CELF2: variants seen among roughly 807,000 people sequenced by gnomAD.
CELF2 encodes the protein CUGBP Elav-like family member 2.
A neutral mutation model predicts 62.6 loss-of-function variants in CELF2; 8 were observed. That is an observed-to-expected ratio of 0.13 (90% CI 0.07 to 0.23). The LOEUF (loss-of-function observed/expected upper bound fraction) is 0.23, where lower values mean the gene tolerates loss of function less well. Among genes scored for constraint, CELF2 ranks in the 10% least tolerant of loss-of-function variants. The pLI, the probability that CELF2 is intolerant of heterozygous loss-of-function variation, is 1.00. For synonymous variants in CELF2, 258 were observed against 250.0 expected (o/e 1.03, Z -0.30); for missense variants, 333 against 671.0 (o/e 0.50, Z 5.56).
chr10:11,015,173 T>C (rs1396495729), upstream of CELF2, among the ~76,000 whole-genome samples: 1 of 152,134 alleles, frequency 6.6e-6, no homozygotes, highest in Non-Finnish European at 1.5e-5. The surrounding 1 kb of genome is among the most constrained non-coding windows in gnomAD (Gnocchi z 4.8). Flanking sequence ...TGCATGAAAA[T>C]TAAAAAAGGG....
chr10:10,856,264 A>G (rs1379123056), intron 1 of CELF2, among the ~76,000 whole-genome samples: 1 of 152,150 alleles, frequency 6.6e-6, no homozygotes. Flanking sequence ...TGTTTTCCTG[A>G]GTGGAAAACA....
chr10:10,858,758 TAA>T (rs879607922), intron 1 of CELF2, among the ~76,000 whole-genome samples: 1 of 144,668 alleles, frequency 6.9e-6, no homozygotes, highest in African/African-American at 2.5e-5. Context: ...ATGTATTTCC[TAA>T]AAAAAAAAAA....
chr10:11,242,417 C>G lies in CELF2; in HGVS notation c.355-6736C>G, dbSNP rs573167366. Among the ~76,000 whole-genome samples, 1 of 152,180 alleles carries G rather than the reference C, an allele frequency of 6.6e-6. No homozygotes were observed. The highest frequency in any genetic ancestry group is 1.9e-4 in the East Asian group (1 of 5,166). On this transcript the variant is annotated intron_variant, in intron 3 of 12. Coordinates refer to ENST00000633077, the MANE Select transcript of CELF2 (RefSeq NM_001326342.2). This position sits in a 1 kb window ranked among gnomAD's most constrained non-coding sequence, Gnocchi z 4.8. ...GACTAGGCCTGTGTTGGCTCGGAAC[C>G]CTCCCTTCCTACAGCAGAGACCCAC...
chr10:11,285,306 G>A lies in CELF2; in HGVS notation c.842-3112G>A, dbSNP rs2090860529. Reference sequence around the variant, plus strand: ...TTCATCTCAGCTTCCTTGACTCATAGTTTTTCCTTTCCTTGCAGTCTGGCT... The same window carrying A: ...TTCATCTCAGCTTCCTTGACTCATAATTTTTCCTTTCCTTGCAGTCTGGCT... On this transcript the variant is annotated intron_variant, in intron 8 of 12. Transcript: ENST00000633077. The surrounding 1 kb of genome is among the most constrained non-coding windows in gnomAD (Gnocchi z 4.3). Among the ~76,000 whole-genome samples, 1 of 152,102 alleles carries A rather than the reference G, an allele frequency of 6.6e-6. No homozygotes were observed. Among genetic ancestry groups the A allele is most frequent in the African/African-American group, 2.4e-5 (1 of 41,384 alleles).
the CELF2 span, among the ~76,000 whole-genome samples, chr10:10,680,523 G>T: frequency 2.3e-3 from 355 of 152,302 alleles, 1 homozygote; most frequent in African/African-American, 7.7e-3. Context: ...CAATTTGTAT[G>T]CTATAGGCCA....
At chr10:11,196,108 G>A (rs1201718560) in intron 2 of CELF2, among the ~76,000 whole-genome samples, 2 of 151,896 alleles carry the variant, frequency 1.3e-5, no homozygotes, top group African/African-American at 4.8e-5. Flanking sequence ...TCATAATTAG[G>A]CTATTTTTAT....
chr10:10,467,972 T>A, the CELF2 span, among the ~76,000 whole-genome samples: 1 of 152,082 alleles, frequency 6.6e-6, no homozygotes, highest in African/African-American at 2.4e-5. Context: ...CTGTGAATCC[T>A]GAGAATTTAA....
At chr10:10,714,118 G>C in the CELF2 span, among the ~76,000 whole-genome samples, 3 of 152,140 alleles carry the variant, frequency 2.0e-5, no homozygotes, top group African/African-American at 7.2e-5. Flanking sequence ...CTTTCAGGTA[G>C]TCTTTAGATG....
At chr10:10,617,534 C>T in the CELF2 span, among the ~76,000 whole-genome samples, 1 of 152,076 alleles carries the variant, frequency 6.6e-6, no homozygotes, top group Non-Finnish European at 1.5e-5. Context: ...AGAGAGGGTG[C>T]CTAGCACATT....
the CELF2 span, among the ~76,000 whole-genome samples, chr10:10,782,330 C>T: frequency 5.3e-5 from 8 of 152,130 alleles, no homozygotes; most frequent in Admixed American, 2.0e-4. Context: ...TCGTATAAAT[C>T]GCAGTGTGTG....
the CELF2 span, among the ~76,000 whole-genome samples, chr10:10,768,031 T>G: frequency 7.2e-6 from 1 of 139,162 alleles, no homozygotes; most frequent in Non-Finnish European, 1.5e-5. Context: ...CCAGGCGTGG[T>G]GACGGGCGCC....
chr10:10,616,295 G>GGTAT, the CELF2 span, among the ~76,000 whole-genome samples: 2 of 143,866 alleles, frequency 1.4e-5, no homozygotes, highest in African/African-American at 5.1e-5. Context: ...TTTTGTTTGG[G>GGTAT]GTGTGTGTGT....
the CELF2 span, among the ~76,000 whole-genome samples, chr10:10,702,615 C>G: frequency 1.3e-5 from 2 of 152,202 alleles, no homozygotes; most frequent in African/African-American, 4.8e-5. Flanking sequence ...GATGGAGTCT[C>G]ACTCTGTCAC....
the CELF2 span, among the ~76,000 whole-genome samples, chr10:10,775,432 C>G: frequency 1.3e-5 from 2 of 151,982 alleles, no homozygotes; most frequent in South Asian, 4.2e-4. Context: ...GAATTTGAGA[C>G]CAGCCTGGCC....
intron 2 of CELF2, among the ~76,000 whole-genome samples, chr10:11,199,623 T>G (rs2058762538): frequency 6.6e-6 from 1 of 152,122 alleles, no homozygotes; most frequent in African/African-American, 2.4e-5. Flanking sequence ...TAGTCACAGT[T>G]AAGAGCAGGC....
chr10:10,647,642 G>C, the CELF2 span, among the ~76,000 whole-genome samples: 18 of 152,174 alleles, frequency 1.2e-4, no homozygotes, highest in Admixed American at 3.3e-4. Context: ...TCTGTGACGT[G>C]ATGGAGCATA....
chr10:10,475,294 G>A, the CELF2 span, among the ~76,000 whole-genome samples: 1 of 151,920 alleles, frequency 6.6e-6, no homozygotes, highest in Non-Finnish European at 1.5e-5. Context: ...ATTTCAGTGG[G>A]TTCCTGATGG....
intron 1 of CELF2, among the ~76,000 whole-genome samples, chr10:10,821,831 A>G (rs1051964643): frequency 1.3e-5 from 2 of 152,140 alleles, no homozygotes; most frequent in Non-Finnish European, 2.9e-5. Flanking sequence ...TGTAGAAATG[A>G]GGTCTTGCTT....
At chr10:10,488,614 T>C in the CELF2 span, among the ~76,000 whole-genome samples, 2 of 152,124 alleles carry the variant, frequency 1.3e-5, no homozygotes, top group Non-Finnish European at 2.9e-5. Flanking sequence ...CACAAGGAGA[T>C]TAATTGCTCA....
Sources: gnomAD v4.1 joint callset for allele counts (sites outside exome capture counted in the v4.1 genomes callset) on GRCh38, gnomAD v4.1.1 for gene constraint, Gnocchi (gnomAD v3.1) non-coding constraint, MANE v1.5 for transcripts, NCBI Gene and HGNC (gene_info 2026-07-23, HGNC 2026-07-21) for gene names.